ULK4: variants seen among roughly 807,000 people sequenced by gnomAD.
The protein encoded by ULK4 is unc-51 like kinase 4, also known as inactive serine/threonine-protein kinase ULK4.
A neutral mutation model predicts 160.6 loss-of-function variants in ULK4; 133 were observed. That is an observed-to-expected ratio of 0.83 (90% CI 0.72 to 0.96). ULK4 has a LOEUF of 0.96. ULK4 is among the 40% of genes least tolerant of loss of function. The pLI is 0.00. For missense variants in ULK4, 1,580 were observed against 1,499.5 expected (o/e 1.05, Z -0.89); for synonymous variants, 534 against 539.8 (o/e 0.99, Z 0.15).
At chr3:41,651,269 C>A (rs2034730434) in intron 30 of ULK4, among the ~76,000 whole-genome samples, 1 of 152,180 alleles carries the variant, frequency 6.6e-6, no homozygotes, top group African/African-American at 2.4e-5. Context: ...ACTAGCACAG[C>A]CAATTAGCTC....
intron 32 of ULK4, among the ~76,000 whole-genome samples, chr3:41,464,042 A>C (rs1390255773): frequency 6.6e-6 from 1 of 151,868 alleles, no homozygotes; most frequent in Non-Finnish European, 1.5e-5. Context: ...AAAGATAAAT[A>C]TTTTACACAC....
chr3:41,853,875 T>G (rs77640094), intron 17 of ULK4, among the ~76,000 whole-genome samples: 7,082 of 152,260 alleles, frequency 0.047, 323 homozygotes, highest in African/African-American at 0.11. Context: ...AAAGTGAACA[T>G]GGGCTGCATG....
intron 17 of ULK4, among the ~76,000 whole-genome samples, chr3:41,857,085 A>G (rs2042379835): frequency 6.6e-6 from 1 of 152,130 alleles, no homozygotes; most frequent in African/African-American, 2.4e-5. Context: ...TCTCCCTCAA[A>G]GAGATCCAAC....
chr3:41,427,506 A>G (rs185782897), intron 34 of ULK4, among the ~76,000 whole-genome samples: 7 of 152,346 alleles, frequency 4.6e-5, no homozygotes, highest in Non-Finnish European at 8.8e-5. Flanking sequence ...ATGAACATCA[A>G]TGCAAAAATC....
At chr3:41,379,358 A>G (rs2081595548) in intron 35 of ULK4, among the ~76,000 whole-genome samples, 1 of 152,192 alleles carries the variant, frequency 6.6e-6, no homozygotes, top group Non-Finnish European at 1.5e-5. Context: ...TGAGAGCCCT[A>G]ATCATTACTT....
At chr3:41,255,129 T>TACACACACACACACACACACACAC (rs369404667) in intron 35 of ULK4, among the ~76,000 whole-genome samples, 3 of 144,178 alleles carry the variant, frequency 2.1e-5, no homozygotes, top group African/African-American at 7.7e-5. Flanking sequence ...AAATTATGGC[T>TACACACACACACACACACACACAC]ACACACACAC....
intron 27 of ULK4, among the ~76,000 whole-genome samples, chr3:41,687,192 G>A (rs1353285174): frequency 1.3e-5 from 2 of 152,086 alleles, no homozygotes; most frequent in African/African-American, 4.8e-5. Flanking sequence ...GGCCAACATG[G>A]TGAAACCCCG....
At chr3:41,508,447 G>A (rs1259715786) in intron 32 of ULK4, among the ~76,000 whole-genome samples, 2 of 152,058 alleles carry the variant, frequency 1.3e-5, no homozygotes, top group Non-Finnish European at 2.9e-5. Flanking sequence ...GCAACCCTAA[G>A]GCAAATTTGC....
rs117055333 is a variant in ULK4 at position 41,405,755 on chromosome 3, C to A, written c.3493-7491G>T. ...AGCACTTTTTCATATGCTTCTTGGC[C>A]GCTTGTATGTCTTCTTTTAAGAAAT... On this transcript the variant is annotated intron_variant, in intron 34 of 36. Transcript: ENST00000301831. 4.2e-4 allele frequency among the ~76,000 whole-genome samples: 64 copies of A among 151,960 alleles called. 1 individual carries two copies. In the East Asian group the frequency reaches 8.9e-3, roughly 21 times the overall value.
intron 21 of ULK4, among the ~76,000 whole-genome samples, chr3:41,763,510 A>G (rs139339668): frequency 4.1e-4 from 62 of 152,366 alleles, no homozygotes; most frequent in African/African-American, 1.4e-3. Context: ...TAATGGAGTG[A>G]ACGCTGTGTA....
chr3:41,527,573 T>C (rs1199028452), intron 32 of ULK4, among the ~76,000 whole-genome samples: 1 of 152,208 alleles, frequency 6.6e-6, no homozygotes, highest in African/African-American at 2.4e-5. Context: ...AGTGTGGAAG[T>C]CTGGCTCCAG....
chr3:41,949,329 C>T (rs1427594473), intron 2 of ULK4, among the ~76,000 whole-genome samples: 1 of 151,916 alleles, frequency 6.6e-6, no homozygotes, highest in Non-Finnish European at 1.5e-5. Context: ...CACACACACA[C>T]ACACACAAAA....
chr3:41,367,436 G>A (rs1054215098), intron 35 of ULK4, among the ~76,000 whole-genome samples: 9 of 152,200 alleles, frequency 5.9e-5, no homozygotes, highest in African/African-American at 2.2e-4. Context: ...GGGGGACCAG[G>A]ACAACCCAGT....
At chr3:41,567,880 G>T (rs1420868867) in intron 31 of ULK4, among the ~76,000 whole-genome samples, 6 of 152,130 alleles carry the variant, frequency 3.9e-5, no homozygotes, top group Admixed American at 2.6e-4. Flanking sequence ...TTCAAAGATA[G>T]TACAGAGAGT....
intron 22 of ULK4, among the ~76,000 whole-genome samples, chr3:41,748,145 T>A (rs2038480652): frequency 2.3e-5 from 2 of 87,210 alleles, no homozygotes; most frequent in Admixed American, 2.0e-4. Flanking sequence ...ATATAGAGAC[T>A]ATATATATAT....
chr3:41,446,402 T>C (rs2125862232), intron 34 of ULK4, among the ~76,000 whole-genome samples: 1 of 152,170 alleles, frequency 6.6e-6, no homozygotes, highest in African/African-American at 2.4e-5. Flanking sequence ...TTATAAATCA[T>C]GCTGCCATAA....
chr3:41,793,371 A>G (rs1398671964), intron 20 of ULK4, among the ~76,000 whole-genome samples: 3 of 152,232 alleles, frequency 2.0e-5, no homozygotes, highest in South Asian at 2.1e-4. Flanking sequence ...TGAAGGCTGC[A>G]TATCTGTTAG....
intron 17 of ULK4, among the ~76,000 whole-genome samples, chr3:41,846,775 A>AT (rs2042078934): frequency 6.8e-6 from 1 of 148,060 alleles, no homozygotes; most frequent in South Asian, 2.1e-4. Context: ...ACTGCACTCC[A>AT]GCCTGGGCGA....
At chr3:41,648,296 G>A (rs1405285041) in intron 30 of ULK4, among the ~76,000 whole-genome samples, 2 of 152,148 alleles carry the variant, frequency 1.3e-5, no homozygotes, top group African/African-American at 2.4e-5. Flanking sequence ...TGTCGCTCAC[G>A]CTGGGAGCTG....
Sources: gnomAD v4.1 joint callset for allele counts (sites outside exome capture counted in the v4.1 genomes callset) on GRCh38, gnomAD v4.1.1 for gene constraint, MANE v1.5 for transcripts, NCBI Gene and HGNC (gene_info 2026-07-23, HGNC 2026-07-21) for gene names.